QKI: variants seen among roughly 807,000 people sequenced by gnomAD.
QKI encodes the protein QKI, KH domain containing RNA binding.
QKI carries 10 observed loss-of-function variants against 39.0 expected under a neutral mutation model. The observed-to-expected ratio is 0.26, with a 90% CI of 0.16 to 0.43. The LOEUF is 0.43. Ranked by LOEUF, QKI falls within the 20% of genes least tolerant of loss-of-function variation. QKI has a pLI of 1.00. For missense variants in QKI, 218 were observed against 428.0 expected, an observed-to-expected ratio of 0.51 and a Z score of 4.33; for synonymous variants, 204 against 155.4, an observed-to-expected ratio of 1.31 and a Z score of -2.33.
At chr6:163,494,932 T>C (rs527763185) in intron 3 of QKI, among the ~76,000 whole-genome samples, 90 of 152,018 alleles carry the variant, frequency 5.9e-4, no homozygotes, top group African/African-American at 2.1e-3. Flanking sequence ...TATTTTTTTT[T>C]TGAGACAGAG....
At chr6:163,564,689 G>A (rs2128251071) in intron 6 of QKI, 2 of 1,614,024 alleles carry the variant, frequency 1.2e-6, no homozygotes, top group East Asian at 2.2e-5. Context: ...TGCCAGTCAT[G>A]CCTGATATTT....
intron 3 of QKI, among the ~76,000 whole-genome samples, chr6:163,510,804 A>G (rs1383446316): frequency 2.3e-4 from 35 of 152,322 alleles, no homozygotes; most frequent in Admixed American, 2.0e-4. Flanking sequence ...GACTTAATAC[A>G]TGAAAACTGA....
intron 2 of QKI, among the ~76,000 whole-genome samples, chr6:163,475,586 A>G (rs528983763): frequency 6.6e-6 from 1 of 152,246 alleles, no homozygotes; most frequent in African/African-American, 2.4e-5. Flanking sequence ...GTAGATAAAT[A>G]TTTATGACAG....
At chr6:163,535,695 C>G (rs1318172962) in intron 4 of QKI, among the ~76,000 whole-genome samples, 2 of 152,072 alleles carry the variant, frequency 1.3e-5, no homozygotes. Flanking sequence ...CTTTGGGAGG[C>G]TGAGGCGGTT....
intron 3 of QKI, among the ~76,000 whole-genome samples, chr6:163,532,027 C>T (rs1323275912): frequency 1.3e-5 from 2 of 152,138 alleles, no homozygotes; most frequent in East Asian, 1.9e-4. Flanking sequence ...AGTAAGAGTA[C>T]GCATTGGCCA....
chr6:163,553,443 A>G (rs1306948487), intron 4 of QKI, among the ~76,000 whole-genome samples: 4 of 152,068 alleles, frequency 2.6e-5, no homozygotes, highest in East Asian at 1.9e-4. Flanking sequence ...ACAAGGCTCT[A>G]TTAAACTCCC....
intron 1 of QKI, among the ~76,000 whole-genome samples, chr6:163,452,634 G>A (rs1790656237): frequency 6.6e-6 from 1 of 152,126 alleles, no homozygotes; most frequent in Admixed American, 6.5e-5. Context: ...GAATCACATA[G>A]GTATTTATAA....
At chr6:163,511,447 G>A (rs544365064) in intron 3 of QKI, among the ~76,000 whole-genome samples, 7 of 151,894 alleles carry the variant, frequency 4.6e-5, no homozygotes, top group Non-Finnish European at 8.8e-5. Flanking sequence ...TTAAGATAAA[G>A]CTCTAATTAG....
At chr6:163,522,950 C>T (rs1049124573) in intron 3 of QKI, among the ~76,000 whole-genome samples, 4 of 151,798 alleles carry the variant, frequency 2.6e-5, no homozygotes, top group Non-Finnish European at 5.9e-5. Context: ...AATGATGGAA[C>T]CTCCTGTTAG....
At chr6:163,504,654 C>A (rs1276808556) in intron 3 of QKI, among the ~76,000 whole-genome samples, 1 of 152,096 alleles carries the variant, frequency 6.6e-6, no homozygotes, top group Admixed American at 6.5e-5. Context: ...TGGCTGTCAG[C>A]TTGAATGTTA....
chr6:163,564,353 T>C, intron 6 of QKI: 3 of 1,134,532 alleles, frequency 2.6e-6, no homozygotes, highest in Non-Finnish European at 1.1e-6. Flanking sequence ...GGCTGTGTGG[T>C]ATAGCCATTA....
intron 4 of QKI, among the ~76,000 whole-genome samples, chr6:163,549,711 C>CA (rs1278268667): frequency 6.6e-6 from 1 of 151,998 alleles, no homozygotes; most frequent in African/African-American, 2.4e-5. Flanking sequence ...GAACTTGTTT[C>CA]AAAAAAACAA....
intron 4 of QKI, among the ~76,000 whole-genome samples, chr6:163,548,276 A>G (rs1361004315): frequency 6.6e-6 from 1 of 152,200 alleles, no homozygotes; most frequent in Non-Finnish European, 1.5e-5. Context: ...GCACATACAT[A>G]GAAAGTGATC....
At chr6:163,547,618 G>A (rs191794632) in intron 4 of QKI, among the ~76,000 whole-genome samples, 7 of 152,160 alleles carry the variant, frequency 4.6e-5, no homozygotes, top group Admixed American at 2.6e-4. Flanking sequence ...TGCCCTCCCC[G>A]TATCACAATT....
rs1396710180 is a variant in QKI at position 163,571,647 on chromosome 6, A to G, written c.*937A>G. ...TGAACAAAAAGTAGATACTTTTACT[A>G]TACAAGGGTGCTGGTGCAGAAAAAA... On this transcript the variant is annotated 3_prime_UTR_variant, in exon 8 of 8. Coordinates refer to ENST00000361752, the MANE Select transcript of QKI (RefSeq NM_006775.3). The G allele has an allele frequency of 6.6e-6, 1 of 152,060 alleles. No individual in the cohort carries two copies. The highest frequency in any genetic ancestry group is 1.5e-5 in the Non-Finnish European group (1 of 67,996). The allele number at this position is 152,060 out of a possible 1,614,324, so 9.4% of individuals were successfully genotyped here.
At chr6:163,547,752 A>C (rs895781423) in intron 4 of QKI, among the ~76,000 whole-genome samples, 4 of 151,858 alleles carry the variant, frequency 2.6e-5, no homozygotes, top group African/African-American at 9.7e-5. Flanking sequence ...GTCTGATTCT[A>C]CCTCCAAATA....
At chr6:163,562,190 G>A in intron 5 of QKI, 121 bp downstream of exon 5, 1 of 542,136 alleles carries the variant, frequency 1.8e-6, no homozygotes, top group Admixed American at 3.8e-5. Context: ...TAACTGTTCT[G>A]TCACTTGATA....
At chr6:163,510,555 A>T (rs1779385367) in intron 3 of QKI, among the ~76,000 whole-genome samples, 1 of 152,112 alleles carries the variant, frequency 6.6e-6, no homozygotes, top group African/African-American at 2.4e-5. Context: ...AGCCAGACTT[A>T]TCTCAAAAAA....
In QKI at chr6:163,566,778, T is replaced by C. The variant is rs749218588; in HGVS notation, c.992T>C (p.Ile331Thr). The C allele has an allele frequency of 3.5e-5, 57 of 1,613,668 alleles. No individual in the cohort carries two copies. The highest frequency in any genetic ancestry group is 4.8e-5 in the Non-Finnish European group (57 of 1,179,856). The change falls in exon 7 of 8, where the codon ATT (isoleucine) becomes ACT (threonine). Residue 331 changes from isoleucine to threonine, a missense_variant. Physicochemically the swap from Ile to Thr is moderately conservative, Grantham distance 89. This residue lies in a region of QKI where 117 missense variants were observed against 186.0 expected (regional missense o/e 0.63). Transcript: ENST00000361752. ...HDMRVHPYQR[I>T]VTADRAATGN Reference sequence around the variant, plus strand: ...ATGCGTGTCCATCCTTACCAAAGGATTGTGACCGCAGACCGAGGTTAGTTT... The same window carrying C: ...ATGCGTGTCCATCCTTACCAAAGGACTGTGACCGCAGACCGAGGTTAGTTT...
Sources: allele counts gnomAD v4.1 joint callset (sites outside exome capture counted in the v4.1 genomes callset), GRCh38; gene constraint gnomAD v4.1.1; regional missense constraint gnomAD v4.1.1; transcripts MANE v1.5; gene names NCBI Gene and HGNC (gene_info 2026-07-23, HGNC 2026-07-21).